The following TAOK3 variants were observed in gnomAD, a reference collection of about 807,000 sequenced individuals.
TAOK3 encodes TAO kinase 3.
TAOK3 carries 40 observed loss-of-function variants against 120.4 expected under a neutral mutation model. The observed-to-expected ratio is 0.33, with a 90% CI of 0.26 to 0.43. TAOK3 has a LOEUF of 0.43. TAOK3 is among the 20% of genes least tolerant of loss of function. The pLI, the probability that TAOK3 is intolerant of heterozygous loss-of-function variation, is 1.00. For missense variants in TAOK3, 821 were observed against 1,112.1 expected (o/e 0.74, Z 3.72); for synonymous variants, 355 against 387.5 (o/e 0.92, Z 0.99).
intron 1 of TAOK3, among the ~76,000 whole-genome samples, chr12:118,361,272 T>C (rs1317462581): frequency 6.6e-6 from 1 of 152,180 alleles, no homozygotes; most frequent in Non-Finnish European, 1.5e-5. Flanking sequence ...TCTTAGGTTT[T>C]AGCCACAATG....
intron 8 of TAOK3, among the ~76,000 whole-genome samples, chr12:118,234,069 T>G (rs2039902556): frequency 6.6e-6 from 1 of 152,118 alleles, no homozygotes; most frequent in South Asian, 2.1e-4. Context: ...GAGATAATTC[T>G]CATAGCAACT....
At chr12:118,326,506 T>C (rs147238171) in intron 1 of TAOK3, among the ~76,000 whole-genome samples, 1,808 of 151,878 alleles carry the variant, frequency 0.012, 16 homozygotes, top group South Asian at 0.018. Flanking sequence ...ATAAATTGTT[T>C]GCATTTTTTA....
chr12:118,239,530 G>A (rs1201318738), intron 5 of TAOK3, among the ~76,000 whole-genome samples: 1 of 152,150 alleles, frequency 6.6e-6, no homozygotes, highest in Non-Finnish European at 1.5e-5. Context: ...TATAAATGGT[G>A]AAGCCAAGAT....
At chr12:118,208,401 A>G (rs1274288915) in intron 11 of TAOK3, among the ~76,000 whole-genome samples, 4 of 136,296 alleles carry the variant, frequency 2.9e-5, no homozygotes, top group Non-Finnish European at 6.3e-5. Flanking sequence ...ACATCAGCAT[A>G]AAGAATGTCA....
At chr12:118,217,660 A>C (rs2038973775) in intron 9 of TAOK3, among the ~76,000 whole-genome samples, 1 of 150,896 alleles carries the variant, frequency 6.6e-6, no homozygotes, top group Non-Finnish European at 1.5e-5. Context: ...CTCCAGCCTG[A>C]GTGATGGAGT....
chr12:118,201,459 T>G lies in TAOK3; in HGVS notation c.824A>C (p.Asp275Ala), dbSNP rs776273615. 1 of 1,607,944 alleles carries G rather than the reference T, an allele frequency of 6.2e-7. No homozygotes were observed. Among genetic ancestry groups the G allele is most frequent in the African/African-American group, 1.3e-5 (1 of 74,828 alleles). The change falls in exon 12 of 21, where the codon GAC becomes GCC. Residue 275 changes from aspartate to alanine, a missense_variant. Asp to Ala is a moderately radical substitution (Grantham distance 126). Around this residue, in one of 2 missense-constraint regions of TAOK3, gnomAD observed 467 missense variants for 540.0 expected, o/e 0.86. Coordinates refer to ENST00000392533, the MANE Select transcript of TAOK3 (RefSeq NM_016281.4). ...RPTSAELLRH[D>A]FVRRDRPLRV... ...TAGTGGCCGGTCTCGTCGAACAAAGTCATGCTGATTGAGGGAGGAGGAAAA... is the reference window on the plus strand; with the variant it reads ...TAGTGGCCGGTCTCGTCGAACAAAGGCATGCTGATTGAGGGAGGAGGAAAA...
chr12:118,364,622 AAGAGGCCAGGCAC>A (rs2141315022), intron 1 of TAOK3, among the ~76,000 whole-genome samples: 1 of 152,310 alleles, frequency 6.6e-6, no homozygotes, highest in Non-Finnish European at 1.5e-5. Context: ...TGATTAAAAT[AAGAGGCCAGGCAC>A]AGTGGCTGGT....
chr12:118,151,872 T>A (rs1020542213), intron 20 of TAOK3, among the ~76,000 whole-genome samples: 2 of 152,184 alleles, frequency 1.3e-5, no homozygotes, highest in Non-Finnish European at 2.9e-5. Flanking sequence ...GTCAAATCTA[T>A]TGTACATTTG....
At chr12:118,221,539 T>C (rs189398293) in intron 9 of TAOK3, among the ~76,000 whole-genome samples, 3 of 152,020 alleles carry the variant, frequency 2.0e-5, no homozygotes, top group East Asian at 1.9e-4. Context: ...CAGCAAAATA[T>C]AGTAGTTTGA....
At chr12:118,182,950 T>G (rs1352590554) in intron 14 of TAOK3, among the ~76,000 whole-genome samples, 1 of 152,184 alleles carries the variant, frequency 6.6e-6, no homozygotes, top group Admixed American at 6.5e-5. Flanking sequence ...CTCATTTCTA[T>G]TAAATCTTTT....
intron 9 of TAOK3, among the ~76,000 whole-genome samples, chr12:118,226,881 T>C (rs908229773): frequency 3.3e-5 from 5 of 152,184 alleles, no homozygotes; most frequent in African/African-American, 4.8e-5. Context: ...AAGGTATCTC[T>C]TGGGGTCTGT....
intron 12 of TAOK3, 95 bp from the exon 13 acceptor site, chr12:118,199,352 C>G: frequency 1.0e-6 from 1 of 997,654 alleles, no homozygotes; most frequent in Non-Finnish European, 1.5e-6. Context: ...TTTGCAGTGT[C>G]AAGTTGCTTT....
intron 19 of TAOK3, among the ~76,000 whole-genome samples, chr12:118,156,967 T>C (rs2034874668): frequency 1.3e-5 from 2 of 152,172 alleles, no homozygotes; most frequent in African/African-American, 4.8e-5. Flanking sequence ...CTCGAACTCC[T>C]GACCTCAGGT....
chr12:118,334,436 AG>A (rs1318888918), intron 1 of TAOK3, among the ~76,000 whole-genome samples: 1 of 152,212 alleles, frequency 6.6e-6, no homozygotes, highest in East Asian at 1.9e-4. Context: ...ATAGAAGCAA[AG>A]GTTGCCAGGG....
chr12:118,305,655 A>G (rs76565031), intron 1 of TAOK3, among the ~76,000 whole-genome samples: 4 of 152,142 alleles, frequency 2.6e-5, no homozygotes, highest in African/African-American at 7.2e-5. Flanking sequence ...CTGTAATCTC[A>G]GCACTTTAGG....
At chr12:118,290,113 T>A (rs1257391302) in intron 1 of TAOK3, among the ~76,000 whole-genome samples, 2 of 152,226 alleles carry the variant, frequency 1.3e-5, no homozygotes, top group African/African-American at 4.8e-5. Flanking sequence ...GCCAGTGTTA[T>A]TAACCTGAAA....
At position 118,185,115 on chromosome 12, in the gene TAOK3, A is replaced by C. The variant is rs116610220; in HGVS notation, c.1330-3508T>G. 8.7e-3 allele frequency among the ~76,000 whole-genome samples: 1,320 copies of C among 152,310 alleles called. 12 individuals carry two copies. The highest frequency in any genetic ancestry group is 0.029 in the African/African-American group (1,216 of 41,564). On this transcript the variant is annotated intron_variant, in intron 14 of 20. Coordinates refer to ENST00000392533, the MANE Select transcript of TAOK3 (RefSeq NM_016281.4). ...GGGGCACATTTAAGGAAAAAAAAAA[A>C]AACTAGCTGTATCCAGGTTGTGGAT... is the stretch of plus-strand genomic sequence containing the variant.
intron 5 of TAOK3, among the ~76,000 whole-genome samples, chr12:118,240,367 C>T (rs1004778327): frequency 6.6e-5 from 10 of 151,696 alleles, no homozygotes; most frequent in South Asian, 4.2e-4. Flanking sequence ...TTAGTAGAGA[C>T]GGGGTTTCTC....
At chr12:118,296,563 T>G (rs2042689159) in intron 1 of TAOK3, among the ~76,000 whole-genome samples, 1 of 152,210 alleles carries the variant, frequency 6.6e-6, no homozygotes, top group Non-Finnish European at 1.5e-5. Flanking sequence ...ATTAAATAGT[T>G]GACTGACAAT....
Sources: allele counts gnomAD v4.1 joint callset (sites outside exome capture counted in the v4.1 genomes callset), GRCh38; gene constraint gnomAD v4.1.1; regional missense constraint gnomAD v4.1.1; transcripts MANE v1.5; gene names NCBI Gene and HGNC (gene_info 2026-07-23, HGNC 2026-07-21).